SLC24A2: variants seen among roughly 807,000 people sequenced by gnomAD.
SLC24A2 encodes sodium/potassium/calcium exchanger 2.
In SLC24A2, 36 loss-of-function variants were observed where a neutral mutation model predicts 62.0. The ratio of observed to expected loss-of-function variants is 0.58; its 90% CI spans 0.44 to 0.77. The LOEUF (loss-of-function observed/expected upper bound fraction) is 0.77, where lower values mean the gene tolerates loss of function less well. Ranked by LOEUF, SLC24A2 falls within the 30% of genes least tolerant of loss-of-function variation. The pLI is 0.00. For missense variants in SLC24A2, 846 were observed against 817.9 expected, an observed-to-expected ratio of 1.03 and a Z score of -0.42; for synonymous variants, 358 against 294.0, an observed-to-expected ratio of 1.22 and a Z score of -2.23.
chr9:20,166,662 C>A, the SLC24A2 span, among the ~76,000 whole-genome samples: 1 of 151,874 alleles, frequency 6.6e-6, no homozygotes, highest in South Asian at 2.1e-4. Flanking sequence ...CAATTGGTTA[C>A]TTACAAAAGG....
At chr9:19,897,121 T>C in the SLC24A2 span, among the ~76,000 whole-genome samples, 123,184 of 152,068 alleles carry the variant, frequency 0.81, 51,092 homozygotes, top group Non-Finnish European at 0.9. Flanking sequence ...CCAGTCGTCA[T>C]TGGGACTATA....
chr9:20,175,296 A>T, the SLC24A2 span, among the ~76,000 whole-genome samples: 1 of 151,894 alleles, frequency 6.6e-6, no homozygotes, highest in Non-Finnish European at 1.5e-5. Context: ...CACTGCTCAG[A>T]TGATGTGTGC....
the SLC24A2 span, among the ~76,000 whole-genome samples, chr9:20,301,375 A>C: frequency 2.0e-5 from 3 of 152,096 alleles, no homozygotes; most frequent in Non-Finnish European, 4.4e-5. Flanking sequence ...CTTGGAAAAA[A>C]TGTAAAAGAA....
chr9:19,697,094 AAC>A (rs1820215532), intron 2 of SLC24A2, among the ~76,000 whole-genome samples: 1 of 152,226 alleles, frequency 6.6e-6, no homozygotes, highest in Non-Finnish European at 1.5e-5. Context: ...GATCCACAAT[AAC>A]AATTCTAGGA....
upstream of SLC24A2, among the ~76,000 whole-genome samples, chr9:19,792,421 G>A (rs965973451): frequency 6.6e-6 from 1 of 151,800 alleles, no homozygotes; most frequent in African/African-American, 2.4e-5. Context: ...AGGTGTGGGT[G>A]TGGTGGCTCA....
At chr9:20,298,645 T>G in the SLC24A2 span, among the ~76,000 whole-genome samples, 1 of 152,376 alleles carries the variant, frequency 6.6e-6, no homozygotes, top group East Asian at 1.9e-4. Context: ...TGATTTCTAT[T>G]AGCAGCCATA....
At chr9:20,103,142 G>C in the SLC24A2 span, among the ~76,000 whole-genome samples, 2 of 152,222 alleles carry the variant, frequency 1.3e-5, no homozygotes, top group African/African-American at 4.8e-5. Context: ...GCCAGGCTGA[G>C]GGAGGGGCAC....
chr9:20,142,173 T>C, the SLC24A2 span, among the ~76,000 whole-genome samples: 8 of 152,152 alleles, frequency 5.3e-5, no homozygotes, highest in Non-Finnish European at 7.4e-5. Context: ...AGATTCTTAC[T>C]GTATGTTAAC....
the SLC24A2 span, among the ~76,000 whole-genome samples, chr9:20,213,606 G>C: frequency 6.6e-6 from 1 of 152,116 alleles, no homozygotes. Context: ...ATTTGGAAGA[G>C]AAGATATAGA....
Position 19,509,234 on chromosome 9 carries a change from C to G in SLC24A2, c.*6919G>C, listed in dbSNP as rs1277102127. On this transcript the variant is annotated 3_prime_UTR_variant, in exon 11 of 11. Coordinates refer to ENST00000341998, the MANE Select transcript of SLC24A2 (RefSeq NM_020344.4). Reference sequence around the variant, plus strand: ...AATTTCCATGTAGTATTAGAACTTGCTAAAGAAACTGTAATAAGCTATTTT... The same window carrying G: ...AATTTCCATGTAGTATTAGAACTTGGTAAAGAAACTGTAATAAGCTATTTT... 6.6e-6 allele frequency: 1 copy of G among 152,070 alleles called. No homozygotes were observed. Among genetic ancestry groups the G allele is most frequent in the South Asian group, 2.1e-4 (1 of 4,824 alleles). 9.4% of individuals were successfully genotyped at this position (152,070 alleles called of 1,614,324 possible).
rs112860682 is a variant in SLC24A2 at position 19,746,430 on chromosome 9, G to A, written c.930+39507C>T. Among the ~76,000 whole-genome samples the A allele has an allele frequency of 3.1e-3, 471 of 152,206 alleles. 2 individuals carry two copies. Among genetic ancestry groups the A allele is most frequent in the African/African-American group, 0.011 (449 of 41,528 alleles). On this transcript the variant is annotated intron_variant, in intron 2 of 10. Transcript: ENST00000341998. Reference sequence around the variant, plus strand: ...TATCTCTATGCTCTTAGGGGTGCCTGAGGCAACTCCTAGTGCAGATAGCAT... The same window carrying A: ...TATCTCTATGCTCTTAGGGGTGCCTAAGGCAACTCCTAGTGCAGATAGCAT...
chr9:19,558,314 G>C (rs962289902), intron 7 of SLC24A2, among the ~76,000 whole-genome samples: 6 of 152,122 alleles, frequency 3.9e-5, no homozygotes, highest in African/African-American at 1.4e-4. Context: ...TAAAAATGAA[G>C]TGCAGGTGCT....
chr9:19,920,216 T>C, the SLC24A2 span, among the ~76,000 whole-genome samples: 2 of 152,276 alleles, frequency 1.3e-5, no homozygotes, highest in South Asian at 4.1e-4. Flanking sequence ...TCTCCTCCAT[T>C]ACCCAGAATT....
At chr9:19,906,979 G>T in the SLC24A2 span, among the ~76,000 whole-genome samples, 15 of 152,156 alleles carry the variant, frequency 9.9e-5, no homozygotes, top group Non-Finnish European at 1.6e-4. Context: ...CATTTTATGA[G>T]GCCAGCATCA....
At chr9:19,543,532 G>A (rs201061765) in intron 8 of SLC24A2, among the ~76,000 whole-genome samples, 50 of 151,876 alleles carry the variant, frequency 3.3e-4, no homozygotes, top group African/African-American at 1.1e-3. Context: ...TTAGGGTGTC[G>A]ATTTTAGATC....
intron 2 of SLC24A2, among the ~76,000 whole-genome samples, chr9:19,668,886 G>A (rs145064550): frequency 6.6e-6 from 1 of 152,082 alleles, no homozygotes; most frequent in Admixed American, 6.6e-5. Flanking sequence ...CCCTAATATA[G>A]TGTTATGTAT....
chr9:19,806,613 T>C, the SLC24A2 span, among the ~76,000 whole-genome samples: 1 of 152,174 alleles, frequency 6.6e-6, no homozygotes, highest in African/African-American at 2.4e-5. Context: ...AGCTATCTGA[T>C]CTAAGTTAGA....
chr9:19,993,904 G>A, the SLC24A2 span, among the ~76,000 whole-genome samples: 1 of 152,192 alleles, frequency 6.6e-6, no homozygotes, highest in Admixed American at 6.5e-5. Context: ...AAAACAGGAA[G>A]AGAAGGAGAA....
chr9:20,035,280 C>T, the SLC24A2 span, among the ~76,000 whole-genome samples: 1 of 152,058 alleles, frequency 6.6e-6, no homozygotes, highest in Non-Finnish European at 1.5e-5. Flanking sequence ...TTAAATAAGA[C>T]AATACTTGTA....
Sources: gnomAD v4.1 joint callset for allele counts (sites outside exome capture counted in the v4.1 genomes callset) on GRCh38, gnomAD v4.1.1 for gene constraint, MANE v1.5 for transcripts, NCBI Gene and HGNC (gene_info 2026-07-23, HGNC 2026-07-21) for gene names.